Variants in GALK2 observed in about 807,000 individuals in gnomAD.
The protein encoded by GALK2 is N-acetylgalactosamine kinase.
A neutral mutation model predicts 52.4 loss-of-function variants in GALK2; 36 were observed. That is an observed-to-expected ratio of 0.69 (90% CI 0.53 to 0.91). The LOEUF is 0.91. GALK2 is among the 40% of genes least tolerant of loss of function. The pLI is 0.00. For synonymous variants in GALK2, 176 were observed against 199.1 expected (o/e 0.88, Z 0.98); for missense variants, 579 against 559.1 (o/e 1.04, Z -0.36).
chr15:49,173,677 CT>C (rs1287244935), intron 1 of GALK2, among the ~76,000 whole-genome samples: 1 of 151,860 alleles, frequency 6.6e-6, no homozygotes, highest in African/African-American at 2.4e-5. Context: ...TTTTTACTTA[CT>C]TTTTTTCACT....
intron 5 of GALK2, among the ~76,000 whole-genome samples, chr15:49,267,673 GT>G (rs1278889181): frequency 6.6e-6 from 1 of 151,958 alleles, no homozygotes; most frequent in Non-Finnish European, 1.5e-5. Flanking sequence ...GAATTTTCTA[GT>G]TCTTTATTTC....
chr15:49,299,771 CTTTCT>C (rs2034915663), intron 8 of GALK2, among the ~76,000 whole-genome samples: 1 of 124,846 alleles, frequency 8.0e-6, no homozygotes, highest in Non-Finnish European at 1.7e-5. Flanking sequence ...TTCTTTCTTT[CTTTCT>C]TTCTTTCTTT....
intron 5 of GALK2, among the ~76,000 whole-genome samples, chr15:49,262,004 T>A (rs1272176467): frequency 8.5e-5 from 13 of 152,300 alleles, no homozygotes; most frequent in South Asian, 6.2e-4. Context: ...ATCAATGTTC[T>A]TCAAGGATAT....
intron 1 of GALK2, chr15:49,185,656 CCATTCT>C (rs2086286536): frequency 6.6e-6 from 1 of 152,148 alleles, no homozygotes; most frequent in Non-Finnish European, 1.5e-5. Context: ...TTGGTAACAG[CCATTCT>C]GACTAGTGTA....
intron 3 of GALK2, among the ~76,000 whole-genome samples, chr15:49,343,314 A>C (rs1471241951): frequency 6.6e-6 from 1 of 151,968 alleles, no homozygotes; most frequent in Non-Finnish European, 1.5e-5. Flanking sequence ...GGAACAGTCT[A>C]TTGATAAAAC....
At chr15:49,244,409 A>G (rs2091248270) in intron 5 of GALK2, among the ~76,000 whole-genome samples, 1 of 152,220 alleles carries the variant, frequency 6.6e-6, no homozygotes. Flanking sequence ...AAGCTAGTTG[A>G]CAGAGCAAGA....
upstream of GALK2, among the ~76,000 whole-genome samples, chr15:49,165,740 C>A (rs1457994415): frequency 6.6e-6 from 1 of 151,162 alleles, no homozygotes; most frequent in Non-Finnish European, 1.5e-5. Context: ...TTTAAAATGG[C>A]ATGTTTGACT....
chr15:49,349,419 AAAAAT>A lies in GALK2; in HGVS notation c.427-18061_427-18057del, dbSNP rs1443830910. On this transcript the variant is annotated intron_variant, in intron 3 of 3. Transcript: ENST00000558399. ...AGAACAGCTTCAAGTGTAAGCCATC[AAAAAT>A]AAAATAAAATGTCTTTCTCTAAGAG... is the stretch of plus-strand genomic sequence containing the variant. Among the ~76,000 whole-genome samples, 20 of 152,368 alleles carry A rather than the reference AAAAAT, an allele frequency of 1.3e-4. 1 individual carries two copies. Among genetic ancestry groups the A allele is most frequent in the Admixed American group, 8.5e-4 (13 of 15,308 alleles).
upstream of GALK2, among the ~76,000 whole-genome samples, chr15:49,169,608 G>C (rs888357508): frequency 1.8e-4 from 28 of 152,246 alleles, no homozygotes; most frequent in African/African-American, 6.7e-4. Context: ...GTGTACTTTT[G>C]ATAGGGCATC....
chr15:49,309,839 G>A (rs952367729), intron 8 of GALK2, among the ~76,000 whole-genome samples: 73 of 151,988 alleles, frequency 4.8e-4, no homozygotes, highest in African/African-American at 1.4e-3. Flanking sequence ...GGCTGGTCTC[G>A]AACTCCCGAC....
intron 3 of GALK2, chr15:49,365,280 C>T: frequency 2.0e-6 from 3 of 1,478,568 alleles, no homozygotes; most frequent in Non-Finnish European, 2.8e-6. Flanking sequence ...GTGCAAGTTA[C>T]TAAATAGAGG....
chr15:49,248,427 C>T (rs549773177), intron 5 of GALK2, among the ~76,000 whole-genome samples: 1 of 152,236 alleles, frequency 6.6e-6, no homozygotes, highest in Non-Finnish European at 1.5e-5. Flanking sequence ...TAATGAACTG[C>T]AGCAGTATGG....
At chr15:49,250,525 A>G (rs2091547038) in intron 5 of GALK2, among the ~76,000 whole-genome samples, 1 of 152,188 alleles carries the variant, frequency 6.6e-6, no homozygotes, top group South Asian at 2.1e-4. Context: ...GGCTCAGAGA[A>G]TTTATATAAT....
intron 7 of GALK2, among the ~76,000 whole-genome samples, chr15:49,288,123 G>C (rs1470714469): frequency 2.0e-5 from 3 of 152,158 alleles, no homozygotes; most frequent in African/African-American, 7.2e-5. Context: ...TGATAAAGTA[G>C]CCAAGGATCT....
chr15:49,238,218 T>G (rs2090928241), intron 4 of GALK2, among the ~76,000 whole-genome samples: 1 of 152,198 alleles, frequency 6.6e-6, no homozygotes, highest in Non-Finnish European at 1.5e-5. Flanking sequence ...CTATGGTACT[T>G]TTTCTTGAGA....
intron 5 of GALK2, among the ~76,000 whole-genome samples, chr15:49,266,741 T>C (rs1252204935): frequency 1.3e-5 from 2 of 152,156 alleles, no homozygotes; most frequent in Non-Finnish European, 2.9e-5. Context: ...ATAAAGCATT[T>C]TGTTGGGTGG....
chr15:49,292,319 A>G lies in GALK2; in HGVS notation c.757-8A>G, dbSNP rs2034018679. The G allele has an allele frequency of 6.2e-7, 1 of 1,612,710 alleles. No individual in the cohort carries two copies. The highest frequency in any genetic ancestry group is 1.7e-5 in the Admixed American group (1 of 59,834). ...AAAACTGACCATTATCTTGATTTGA[A>G]TTTGCAGCTCCTGGCTAAATACAAA... On this transcript the variant is annotated splice_region_variant and splice_polypyrimidine_tract_variant and intron_variant, in intron 7 of 9. Coordinates refer to ENST00000560031, the MANE Select transcript of GALK2 (RefSeq NM_002044.4).
In GALK2 at chr15:49,328,603, T is replaced by TTGATGATGG. The variant is rs779561225; in HGVS notation, c.*453_*461dup. ...TCTTCCTCAAAGTTGTAGTTGTCTG[T>TTGATGATGG]TGATGATGGTGATGATGATGATGAT... On this transcript the variant is annotated 3_prime_UTR_variant, in exon 10 of 10. Transcript: ENST00000560031. 6.3e-7 allele frequency: 1 copy of TTGATGATGG among 1,594,720 alleles called. No homozygotes were observed. The highest frequency in any genetic ancestry group is 8.6e-7 in the Non-Finnish European group (1 of 1,167,428).
intron 1 of GALK2, chr15:49,178,632 G>A (rs2085714012): frequency 4.5e-6 from 1 of 223,056 alleles, no homozygotes; most frequent in Non-Finnish European, 9.3e-6. Context: ...GGAGCCCTGT[G>A]GTAGAGCAGA....
Sources: allele counts gnomAD v4.1 joint callset (sites outside exome capture counted in the v4.1 genomes callset), GRCh38; gene constraint gnomAD v4.1.1; transcripts MANE v1.5; gene names NCBI Gene and HGNC (gene_info 2026-07-23, HGNC 2026-07-21).